SEPTIN3: variants seen among roughly 807,000 people sequenced by gnomAD.
SEPTIN3 encodes neuronal-specific septin-3.
SEPTIN3 carries 15 observed loss-of-function variants against 45.1 expected under a neutral mutation model. That is an observed-to-expected ratio of 0.33 (90% CI 0.22 to 0.51). The LOEUF is 0.51. SEPTIN3 is among the 20% of genes least tolerant of loss of function. The pLI is 0.97. For missense variants in SEPTIN3, 289 were observed against 457.2 expected (o/e 0.63, Z 3.35); for synonymous variants, 148 against 164.8 (o/e 0.90, Z 0.78).
Position 41,997,188 on chromosome 22 carries a change from A to G in SEPTIN3, c.*221A>G. The G allele has an allele frequency of 1.2e-6, 1 of 800,840 alleles. No homozygotes were observed. Among genetic ancestry groups the G allele is most frequent in the Non-Finnish European group, 1.9e-6 (1 of 527,304 alleles). 49.6% of individuals were successfully genotyped at this position (800,840 alleles called of 1,614,324 possible). ...AGTGGGGTTCTGCCAGTACAGCCCT[A>G]CTGCATCATCTGCGTCAGCCGGTCC... On this transcript the variant is annotated 3_prime_UTR_variant, in exon 12 of 12. Transcript: ENST00000644076.
rs2078236462 is a variant in SEPTIN3 at position 41,987,896 on chromosome 22, G to A, written c.2045+137G>A. 7.2e-6 allele frequency: 6 copies of A among 836,962 alleles called. No individual in the cohort carries two copies. In the South Asian group the frequency reaches 1.5e-4, roughly 21 times the overall value. 51.8% of individuals were successfully genotyped at this position (836,962 alleles called of 1,614,324 possible). A position where few individuals can be genotyped will look rare whatever the true frequency, so the allele number is the denominator to read the frequency against. On this transcript the variant is annotated intron_variant, in intron 6 of 11. Coordinates refer to ENST00000644076, the MANE Select transcript of SEPTIN3 (RefSeq NM_001363845.2). ...CTAGCCCTTCCAGCCAGATGGGTTG[G>A]TACATAGTCATGGCCCATGACCTTG... is the stretch of plus-strand genomic sequence containing the variant.
chr22:41,994,742 G>C lies in SEPTIN3; in HGVS notation c.2505+28G>C. On this transcript the variant is annotated intron_variant, in intron 11 of 11. Transcript: ENST00000644076. The surrounding 1 kb of genome is among the most constrained non-coding windows in gnomAD (Gnocchi z 4.2). ...GAGCGTGGACACAGAGGAAAGCCAC[G>C]ACAGTAACCCATGACGACCACTTCT... 6.2e-7 allele frequency: 1 copy of C among 1,614,052 alleles called. No homozygotes were observed. The highest frequency in any genetic ancestry group is 8.5e-7 in the Non-Finnish European group (1 of 1,180,032).
chr22:41,995,314 G>A, intron 11 of SEPTIN3: 1 of 990,902 alleles, frequency 1.0e-6, no homozygotes, highest in South Asian at 4.6e-5. Flanking sequence ...AGAAGGCAGA[G>A]AAGTAGGCCA....
In SEPTIN3 at chr22:41,983,127, C is replaced by T. The variant is rs779711071; in HGVS notation, c.1696+1291C>T. On this transcript the variant is annotated intron_variant, in intron 3 of 11. Coordinates refer to ENST00000644076, the MANE Select transcript of SEPTIN3 (RefSeq NM_001363845.2). ...ACTGACTTTCTCTCACCTGGCTTGC[C>T]GTGGCCACCTGACTCTGTGCTGTCA... Among the ~76,000 whole-genome samples the T allele has an allele frequency of 4.0e-4, 61 of 152,310 alleles. 1 individual carries two copies. The highest frequency in any genetic ancestry group is 3.8e-3 in the Admixed American group (58 of 15,306).
intron 7 of SEPTIN3, among the ~76,000 whole-genome samples, chr22:41,990,058 T>A (rs1364354426): frequency 1.3e-5 from 2 of 151,876 alleles, no homozygotes; most frequent in Non-Finnish European, 2.9e-5. Context: ...TCTTTGTTTT[T>A]TTTTTGGAGT....
chr22:41,996,666 GT>G, intron 11 of SEPTIN3: 1 of 1,385,792 alleles, frequency 7.2e-7, no homozygotes. Flanking sequence ...CAGCCCAGAG[GT>G]TATACATTTC....
Position 41,989,596 on chromosome 22 carries a change from A to C in SEPTIN3, c.2075A>C (p.Lys692Thr), listed in dbSNP as rs772037800. 1 of 1,613,692 alleles carries C rather than the reference A, an allele frequency of 6.2e-7. No individual in the cohort carries two copies. ...CGACCTCTGGATCTTGAGTTCATGA[A>C]ACACCTCAGCAAGGTTGTGAACATC... ...SLRPLDLEFMKHLSKVVNIIP... is the reference protein window; with the variant it reads ...SLRPLDLEFMTHLSKVVNIIP... Residue 692 changes from lysine to threonine, a missense_variant, in exon 7 of 12, where the codon AAA becomes ACA. By Grantham distance (78) the Lys-to-Thr change is moderately conservative. Around this residue, in one of 3 missense-constraint regions of SEPTIN3, gnomAD observed 200 missense variants for 315.1 expected, o/e 0.63. Coordinates refer to ENST00000644076, the MANE Select transcript of SEPTIN3 (RefSeq NM_001363845.2).
chr22:41,994,880 TGTCTGTG>T lies in SEPTIN3; in HGVS notation c.2505+167_2505+173del. 1 of 1,477,994 alleles carries T rather than the reference TGTCTGTG, an allele frequency of 6.8e-7. No individual in the cohort carries two copies. The allele number at this position is 1,477,994 out of a possible 1,614,324, so 91.6% of individuals were successfully genotyped here. ...CCTGTCTGGTATTTGTGGAGCATCT[TGTCTGTG>T]TGTGTGTGTGTGTGTGTGTGTGTGT... On this transcript the variant is annotated intron_variant, in intron 11 of 11. Transcript: ENST00000644076. This position sits in a 1 kb window ranked among gnomAD's most constrained non-coding sequence, Gnocchi z 4.2.
chr22:41,976,348 C>A lies in SEPTIN3; in HGVS notation c.1504+3352C>A, dbSNP rs2078020303. ...GCAATATGCTGTCCATTAGTATCCA[C>A]TGAATGCGTGAAATTTTTTTCTAAT... On this transcript the variant is annotated intron_variant, in intron 2 of 11. Coordinates refer to ENST00000644076, the MANE Select transcript of SEPTIN3 (RefSeq NM_001363845.2). This position sits in a 1 kb window ranked among gnomAD's most constrained non-coding sequence, Gnocchi z 5.8. 6.6e-6 allele frequency: 1 copy of A among 152,320 alleles called. No individual in the cohort carries two copies. Among genetic ancestry groups the A allele is most frequent in the Non-Finnish European group, 1.5e-5 (1 of 68,106 alleles). 9.4% of individuals were successfully genotyped at this position (152,320 alleles called of 1,614,324 possible).
chr22:41,978,040 G>A (rs1460305257), intron 2 of SEPTIN3, among the ~76,000 whole-genome samples: 4 of 152,184 alleles, frequency 2.6e-5, no homozygotes, highest in African/African-American at 9.7e-5. Flanking sequence ...TGGCAGACTT[G>A]AGCTGCACCC....
chr22:41,981,788 C>A lies in SEPTIN3; in HGVS notation c.1648C>A (p.Arg550Ser). 1 of 1,613,966 alleles carries A rather than the reference C, an allele frequency of 6.2e-7. No homozygotes were observed. The highest frequency in any genetic ancestry group is 8.5e-7 in the Non-Finnish European group (1 of 1,179,932). ...IGIDTIIEQM[R>S]KKTMKTGFDF... The stretch of plus-strand genomic sequence containing the variant: ...CATCGACACCATCATCGAGCAGATG[C>A]GCAAGAAGACCATGAAGACCGGTTT... Residue 550 changes from arginine to serine, a missense_variant, in exon 3 of 12, where the codon CGC becomes AGC. Around this residue, in one of 3 missense-constraint regions of SEPTIN3, gnomAD observed 200 missense variants for 315.1 expected, o/e 0.63. Transcript: ENST00000644076.
intron 6 of SEPTIN3, among the ~76,000 whole-genome samples, chr22:41,988,569 T>C (rs1389842293): frequency 6.6e-6 from 1 of 152,192 alleles, no homozygotes; most frequent in Non-Finnish European, 1.5e-5. Context: ...ACAAGACCCC[T>C]GGGCTAGACC....
intron 3 of SEPTIN3, among the ~76,000 whole-genome samples, chr22:41,984,170 G>A (rs911782923): frequency 6.6e-6 from 1 of 152,092 alleles, no homozygotes; most frequent in African/African-American, 2.4e-5. Flanking sequence ...ACCATCCCTG[G>A]TCTTGTCCAA....
chr22:41,994,879 TTGTCTGTGTGTG>T lies in SEPTIN3; in HGVS notation c.2505+169_2505+180del, dbSNP rs927219539. The T allele has an allele frequency of 1.0e-5, 15 of 1,442,544 alleles. No homozygotes were observed. In the African/African-American group the frequency reaches 2.6e-4, roughly 25 times the overall value. The allele number at this position is 1,442,544 out of a possible 1,614,324, so 89.4% of individuals were successfully genotyped here. A position where few individuals can be genotyped will look rare whatever the true frequency, so the allele number is the denominator to read the frequency against. On this transcript the variant is annotated intron_variant, in intron 11 of 11. Transcript: ENST00000644076. This position sits in a 1 kb window ranked among gnomAD's most constrained non-coding sequence, Gnocchi z 4.2. ...GCCTGTCTGGTATTTGTGGAGCATC[TTGTCTGTGTGTG>T]TGTGTGTGTGTGTGTGTGTGTGTGT...
rs544430352 is a variant in SEPTIN3, at chr22:41,987,122, G to A, written c.1826-84G>A. 7.8e-6 allele frequency: 8 copies of A among 1,025,514 alleles called. No homozygotes were observed. In the East Asian group the frequency reaches 1.5e-4, roughly 19 times the overall value. The allele number at this position is 1,025,514 out of a possible 1,614,324, so 63.5% of individuals were successfully genotyped here. ...ATAACTGATCCTGAAGACAAGGCCT[G>A]GGTCTCCCTGGCTAGTAGGCTGCCA... On this transcript the variant is annotated intron_variant, in intron 4 of 11. Coordinates refer to ENST00000644076, the MANE Select transcript of SEPTIN3 (RefSeq NM_001363845.2).
Position 41,976,984 on chromosome 22 carries a change from C to T in SEPTIN3, c.1504+3988C>T. On this transcript the variant is annotated intron_variant, in intron 2 of 11. Transcript: ENST00000644076. This position sits in a 1 kb window ranked among gnomAD's most constrained non-coding sequence, Gnocchi z 5.8. ...GCCCGTTTGCAGGGGCCGCTCGGCC[C>T]GGGGAAGCCCGCGCCCCGCTCAGCC... The T allele has an allele frequency of 6.7e-7, 1 of 1,486,918 alleles. No homozygotes were observed. The highest frequency in any genetic ancestry group is 9.1e-7 in the Non-Finnish European group (1 of 1,103,964). The allele number at this position is 1,486,918 out of a possible 1,614,324, so 92.1% of individuals were successfully genotyped here.
chr22:41,992,409 GA>G (rs1426800504), intron 8 of SEPTIN3, among the ~76,000 whole-genome samples: 7 of 152,284 alleles, frequency 4.6e-5, no homozygotes, highest in Admixed American at 2.6e-4. Flanking sequence ...CTCTGCAGCT[GA>G]AGGAGAGCTG....
At chr22:41,982,715 C>T (rs921440224) in intron 3 of SEPTIN3, among the ~76,000 whole-genome samples, 2 of 151,656 alleles carry the variant, frequency 1.3e-5, no homozygotes, top group African/African-American at 2.4e-5. Context: ...ATGGTGAAAC[C>T]CTGTCTCTAT....
intron 9 of SEPTIN3, among the ~76,000 whole-genome samples, chr22:41,993,685 G>T (rs554483068): frequency 1.3e-5 from 2 of 151,574 alleles, no homozygotes; most frequent in South Asian, 4.2e-4. Context: ...TAGAGGTGGG[G>T]GTCTCACTGT....
Sources: gnomAD v4.1 joint callset for allele counts (sites outside exome capture counted in the v4.1 genomes callset) on GRCh38, gnomAD v4.1.1 for gene constraint, gnomAD v4.1.1 regional missense constraint, Gnocchi (gnomAD v3.1) non-coding constraint, MANE v1.5 for transcripts, NCBI Gene and HGNC (gene_info 2026-07-23, HGNC 2026-07-21) for gene names.